Variants in TMEM87A observed in about 807,000 individuals in gnomAD.
TMEM87A encodes Golgi-pH regulating cation channel.
TMEM87A carries 50 observed loss-of-function variants against 90.0 expected under a neutral mutation model. That is an observed-to-expected ratio of 0.56 (90% confidence interval 0.44 to 0.70). The LOEUF is 0.70. Among genes scored for constraint, TMEM87A ranks in the 30% least tolerant of loss-of-function variants. The pLI is 0.00. For missense variants in TMEM87A, 577 were observed against 660.5 expected, an observed-to-expected ratio of 0.87 and a Z score of 1.39; for synonymous variants, 226 against 226.7, an observed-to-expected ratio of 1.00 and a Z score of 0.03.
At chr15:42,263,296 C>T (rs571953082) in intron 4 of TMEM87A, among the ~76,000 whole-genome samples, 2 of 151,828 alleles carry the variant, frequency 1.3e-5, no homozygotes, top group Admixed American at 6.6e-5. Context: ...AGAAGTCAGA[C>T]AAAAAAGAAC....
intron 6 of TMEM87A, among the ~76,000 whole-genome samples, chr15:42,259,772 T>G (rs1019350164): frequency 2.6e-5 from 4 of 152,124 alleles, no homozygotes; most frequent in African/African-American, 9.7e-5. Context: ...GCCCTAATCA[T>G]TCACTGGCTG....
intron 10 of TMEM87A, among the ~76,000 whole-genome samples, chr15:42,233,919 T>A (rs1040066062): frequency 6.0e-5 from 9 of 149,060 alleles, no homozygotes; most frequent in East Asian, 1.9e-4. Context: ...TACAGGCACG[T>A]CCCACTACAC....
chr15:42,267,537 G>C (rs1181685427), intron 3 of TMEM87A, among the ~76,000 whole-genome samples: 3 of 152,140 alleles, frequency 2.0e-5, no homozygotes, highest in Admixed American at 1.3e-4. Context: ...TAAGAATACA[G>C]TGATCTTCTG....
At chr15:42,222,137 A>G (rs2050499675) in intron 15 of TMEM87A, among the ~76,000 whole-genome samples, 1 of 151,860 alleles carries the variant, frequency 6.6e-6, no homozygotes, top group Non-Finnish European at 1.5e-5. Context: ...CTCAGCTCAC[A>G]GCAACCTCCC....
chr15:42,216,264 A>T (rs2050382127), intron 19 of TMEM87A, among the ~76,000 whole-genome samples: 1 of 152,182 alleles, frequency 6.6e-6, no homozygotes, highest in South Asian at 2.1e-4. Flanking sequence ...ACAGGTATAA[A>T]ATTTCATTTA....
At chr15:42,266,727 A>G (rs755635407) in intron 3 of TMEM87A, among the ~76,000 whole-genome samples, 13 of 152,258 alleles carry the variant, frequency 8.5e-5, no homozygotes, top group Non-Finnish European at 1.8e-4. Flanking sequence ...AAAGCAGTAA[A>G]AATTATTAAT....
At chr15:42,258,908 T>C (rs1404312726) in intron 6 of TMEM87A, 6 of 1,399,528 alleles carry the variant, frequency 4.3e-6, no homozygotes, top group East Asian at 2.5e-5. Context: ...GCAAAAACTA[T>C]CAAAATCAAC....
chr15:42,242,257 T>C (rs1422854309), intron 7 of TMEM87A, among the ~76,000 whole-genome samples: 3 of 152,096 alleles, frequency 2.0e-5, no homozygotes, highest in East Asian at 1.9e-4. Flanking sequence ...ATGGGATCTA[T>C]GGTAGTTGGA....
At chr15:42,226,409 G>A (rs2050595041) in intron 15 of TMEM87A, among the ~76,000 whole-genome samples, 1 of 151,448 alleles carries the variant, frequency 6.6e-6, no homozygotes, top group Non-Finnish European at 1.5e-5. Context: ...ACAGAATAGT[G>A]TAAACATAAC....
At chr15:42,259,160 T>C (rs555795569) in intron 6 of TMEM87A, among the ~76,000 whole-genome samples, 1 of 152,166 alleles carries the variant, frequency 6.6e-6, no homozygotes, top group Admixed American at 6.5e-5. Flanking sequence ...TTTCACTCTG[T>C]TGCCTAGGCT....
chr15:42,214,656 C>T (rs1424876971), intron 19 of TMEM87A, among the ~76,000 whole-genome samples: 1 of 152,158 alleles, frequency 6.6e-6, no homozygotes, highest in Admixed American at 6.6e-5. Context: ...CTCATCTTCA[C>T]TATACACAAA....
intron 14 of TMEM87A, 23 bp from the exon 15 acceptor site, chr15:42,226,932 A>G: frequency 6.3e-7 from 1 of 1,594,462 alleles, no homozygotes; most frequent in African/African-American, 1.3e-5. Flanking sequence ...GGAGAAGTAC[A>G]ACATTTATAC....
chr15:42,231,262 T>C lies in TMEM87A; in HGVS notation c.1063-2A>G, dbSNP rs1411568296. 1 of 1,561,802 alleles carries C rather than the reference T, an allele frequency of 6.4e-7. No individual in the cohort carries two copies. The highest frequency in any genetic ancestry group is 1.2e-5 in the South Asian group (1 of 81,804). On this transcript the variant is annotated splice_acceptor_variant, in intron 11 of 19. Transcript: ENST00000389834. LOFTEE classifies it high-confidence loss of function. ...CAAGGAAGCAAGATCAGTCTGGGCC[T>C]GCAGACAAAGAAAAAGAAGTGGTGA...
chr15:42,236,477 G>A, intron 9 of TMEM87A, 58 bp from the exon 10 acceptor site: 1 of 1,389,168 alleles, frequency 7.2e-7, no homozygotes, highest in South Asian at 1.2e-5. Context: ...CAGGCCAGAT[G>A]CCAATACTAG....
chr15:42,246,305 T>G (rs1226778495), intron 6 of TMEM87A, among the ~76,000 whole-genome samples: 1 of 152,218 alleles, frequency 6.6e-6, no homozygotes, highest in East Asian at 1.9e-4. Context: ...TTTTGTTGTT[T>G]TTTTTTATAC....
At chr15:42,251,163 G>A (rs553163124) in intron 6 of TMEM87A, among the ~76,000 whole-genome samples, 1 of 152,140 alleles carries the variant, frequency 6.6e-6, no homozygotes, top group South Asian at 2.1e-4. Flanking sequence ...AAGGTTTTTA[G>A]CTTCCTTGTG....
chr15:42,261,074 C>T (rs2051280594), intron 5 of TMEM87A, 72 bp from the exon 6 acceptor site: 1 of 1,551,278 alleles, frequency 6.4e-7, no homozygotes, highest in South Asian at 1.2e-5. Flanking sequence ...TTCCTGTAGC[C>T]ACTGGGGAAG....
chr15:42,220,514 G>A (rs886786012), intron 15 of TMEM87A, among the ~76,000 whole-genome samples: 1 of 152,216 alleles, frequency 6.6e-6, no homozygotes, highest in African/African-American at 2.4e-5. Flanking sequence ...TCAGTAGACA[G>A]TCAACAAATG....
intron 17 of TMEM87A, chr15:42,218,782 A>C (rs2050423478): frequency 6.0e-6 from 1 of 166,720 alleles, no homozygotes; most frequent in Non-Finnish European, 1.3e-5. Context: ...ATTGTATATC[A>C]AAATACACAT....
Sources: gnomAD v4.1 joint callset for allele counts (sites outside exome capture counted in the v4.1 genomes callset) on GRCh38, gnomAD v4.1.1 for gene constraint, MANE v1.5 for transcripts, NCBI Gene and HGNC (gene_info 2026-07-23, HGNC 2026-07-21) for gene names.